Variants in ATP8B4 observed in about 807,000 individuals in gnomAD.
ATP8B4 encodes probable phospholipid-transporting ATPase IM.
In ATP8B4, 133 loss-of-function variants were observed where a neutral mutation model predicts 145.6. The ratio of observed to expected loss-of-function variants is 0.91; its 90% CI spans 0.79 to 1.05. ATP8B4 has a LOEUF of 1.05. Ranked by LOEUF, ATP8B4 falls within the 50% of genes least tolerant of loss-of-function variation. ATP8B4 has a pLI of 0.00. For synonymous variants in ATP8B4, 507 were observed against 492.9 expected (o/e 1.03, Z -0.38); for missense variants, 1,458 against 1,425.2 (o/e 1.02, Z -0.37).
chr15:49,862,154 G>T, intron 27 of ATP8B4, 91 bp downstream of exon 27: 1 of 1,455,198 alleles, frequency 6.9e-7, no homozygotes. Flanking sequence ...AATTTCATTA[G>T]CCCATCTCTG....
chr15:49,905,747 T>A (rs984656853), intron 20 of ATP8B4, among the ~76,000 whole-genome samples: 2 of 152,120 alleles, frequency 1.3e-5, no homozygotes, highest in African/African-American at 4.8e-5. Context: ...AAAAGATAAT[T>A]TTTTTAGCTT....
chr15:49,969,762 A>T (rs1479660598), intron 13 of ATP8B4, among the ~76,000 whole-genome samples: 1 of 152,184 alleles, frequency 6.6e-6, no homozygotes, highest in Admixed American at 6.5e-5. Context: ...CTCCTCCCTA[A>T]CTCATTTTAT....
chr15:49,934,025 T>C lies in ATP8B4; in HGVS notation c.1445A>G (p.Asn482Ser). 6.2e-7 allele frequency: 1 copy of C among 1,603,048 alleles called. No homozygotes were observed. Among genetic ancestry groups the C allele is most frequent in the Non-Finnish European group, 8.5e-7 (1 of 1,175,792 alleles). ...CATAACTTTTCACTTACCTGCGCTA[T>C]TCTCTTCTGACATTACAGTGTGGCA... The part of the protein sequence containing the change: ...ALCHTVMSEE[N>S]SAGELIYQVQ... The change falls in exon 15 of 28, where the codon AAT becomes AGT. Residue 482 changes from asparagine (N) to serine (S), a missense_variant. Physicochemically the swap from Asn to Ser is conservative, Grantham distance 46 (BLOSUM62 1). Coordinates refer to ENST00000284509, the MANE Select transcript of ATP8B4 (RefSeq NM_024837.4).
chr15:50,181,205 A>G (rs1311576812), intron 1 of ATP8B4, among the ~76,000 whole-genome samples: 2 of 152,222 alleles, frequency 1.3e-5, no homozygotes, highest in East Asian at 1.9e-4. Flanking sequence ...TTATCGTATC[A>G]AATTAAGATA....
chr15:49,912,749 AACATAG>A (rs1322096906), intron 20 of ATP8B4, among the ~76,000 whole-genome samples: 1 of 152,184 alleles, frequency 6.6e-6, no homozygotes, highest in Non-Finnish European at 1.5e-5. Context: ...ATCTCTGATG[AACATAG>A]ACATAAATAT....
At position 50,169,320 on chromosome 15, in the gene ATP8B4, C is replaced by T. The variant is rs143095020; in HGVS notation, c.-43+12941G>A. Among the ~76,000 whole-genome samples, 433 of 152,334 alleles carry T rather than the reference C, an allele frequency of 2.8e-3. 1 individual carries two copies. Among genetic ancestry groups the T allele is most frequent in the Non-Finnish European group, 5.3e-3 (363 of 68,028 alleles). On this transcript the variant is annotated intron_variant, in intron 1 of 3. Coordinates refer to the ATP8B4 transcript ENST00000558829. ...CCACTAGAACAGGTGCTGGTATTCA[C>T]GGCTGAGAGACCCATAGACGGTTCA... is the stretch of plus-strand genomic sequence containing the variant.
At chr15:49,922,382 A>T (rs561691306) in intron 17 of ATP8B4, 28 of 447,718 alleles carry the variant, frequency 6.3e-5, no homozygotes, top group African/African-American at 5.0e-4. Context: ...CATTAAAAAA[A>T]ATTTAAAAGA....
At chr15:50,107,058 A>G in intron 1 of ATP8B4, 50 bp from the exon 2 acceptor site, 1 of 1,256,992 alleles carries the variant, frequency 8.0e-7, no homozygotes, top group South Asian at 1.6e-5. Flanking sequence ...CACAATAACT[A>G]TAAATTTACC....
intron 6 of ATP8B4, among the ~76,000 whole-genome samples, chr15:50,015,329 A>G (rs1403156766): frequency 6.6e-6 from 1 of 152,196 alleles, no homozygotes; most frequent in Non-Finnish European, 1.5e-5. Context: ...ATTTGGCATT[A>G]CACATATTAG....
chr15:49,871,610 AGGAT>A (rs1410549727), intron 25 of ATP8B4, among the ~76,000 whole-genome samples: 1 of 152,196 alleles, frequency 6.6e-6, no homozygotes, highest in Non-Finnish European at 1.5e-5. Context: ...ACAGAGTTGA[AGGAT>A]AGGTGGATAA....
At chr15:49,928,398 T>C (rs756697372) in intron 16 of ATP8B4, among the ~76,000 whole-genome samples, 10 of 152,102 alleles carry the variant, frequency 6.6e-5, no homozygotes, top group Non-Finnish European at 1.2e-4. Flanking sequence ...CCAAAGGGTA[T>C]AACAGCAACA....
At chr15:50,180,663 AAAG>A (rs1156826329) in intron 1 of ATP8B4, among the ~76,000 whole-genome samples, 1 of 152,174 alleles carries the variant, frequency 6.6e-6, no homozygotes. Flanking sequence ...CTTCACCATG[AAAG>A]AAGTGCACAT....
chr15:49,965,791 C>T (rs1599482348), intron 13 of ATP8B4, among the ~76,000 whole-genome samples: 1 of 152,220 alleles, frequency 6.6e-6, no homozygotes, highest in South Asian at 2.1e-4. Context: ...TTCTATTCAG[C>T]ACTACAAAAC....
chr15:49,968,136 G>A (rs2044725169), intron 13 of ATP8B4, among the ~76,000 whole-genome samples: 2 of 152,084 alleles, frequency 1.3e-5, no homozygotes, highest in Non-Finnish European at 2.9e-5. Flanking sequence ...CACTAAATAT[G>A]GAAAGGAAAA....
chr15:49,967,984 T>A (rs1032794635), intron 13 of ATP8B4, among the ~76,000 whole-genome samples: 7 of 152,036 alleles, frequency 4.6e-5, no homozygotes, highest in African/African-American at 1.7e-4. Flanking sequence ...AGTCTTAAAG[T>A]AAAGAATTTT....
intron 4 of ATP8B4, among the ~76,000 whole-genome samples, chr15:50,045,674 C>G (rs2051658610): frequency 6.6e-6 from 1 of 152,160 alleles, no homozygotes; most frequent in South Asian, 2.1e-4. Flanking sequence ...AAGCTAAATT[C>G]TAGTCCTAGT....
At chr15:50,106,826 A>G in intron 2 of ATP8B4, 113 bp downstream of exon 2, 1 of 1,029,080 alleles carries the variant, frequency 9.7e-7, no homozygotes, top group Non-Finnish European at 1.4e-6. Context: ...AAGTTCACTG[A>G]GCTGAACACC....
intron 26 of ATP8B4, among the ~76,000 whole-genome samples, 176 bp from the exon 27 acceptor site, chr15:49,862,551 C>T (rs567414709): frequency 3.3e-5 from 5 of 151,764 alleles, no homozygotes; most frequent in African/African-American, 4.8e-5. Context: ...CTGCCTCCTG[C>T]GTTCATGCCA....
chr15:50,014,049 A>G (rs961111006), intron 6 of ATP8B4, among the ~76,000 whole-genome samples: 1 of 152,180 alleles, frequency 6.6e-6, no homozygotes, highest in Non-Finnish European at 1.5e-5. Context: ...AAAGCTTGAG[A>G]AACAAAAGAG....
Sources: gnomAD v4.1 joint callset for allele counts (sites outside exome capture counted in the v4.1 genomes callset) on GRCh38, gnomAD v4.1.1 for gene constraint, MANE v1.5 for transcripts, NCBI Gene and HGNC (gene_info 2026-07-23, HGNC 2026-07-21) for gene names.